Variants in DLC1 observed in about 807,000 individuals in gnomAD.
DLC1 encodes the protein DLC1 Rho GTPase activating protein.
Under a neutral mutation model 140.3 loss-of-function variants are expected in DLC1, and 54 were observed. The ratio of observed to expected loss-of-function variants is 0.38; its 90% CI spans 0.31 to 0.48. DLC1 has a LOEUF of 0.48. Ranked by LOEUF, DLC1 falls within the 20% of genes least tolerant of loss-of-function variation. The pLI is 0.96. For synonymous variants in DLC1, 986 were observed against 728.1 expected (o/e 1.35, Z -5.70); for missense variants, 2,536 against 1,907.0 (o/e 1.33, Z -6.14).
chr8:13,133,006 C>A, intron 5 of DLC1: 1 of 1,607,102 alleles, frequency 6.2e-7, no homozygotes, highest in Non-Finnish European at 8.5e-7. Context: ...GCGGCGGAAG[C>A]GCTGTGGGGA....
rs563177418 is a variant in DLC1 at position 13,180,999 on chromosome 8, T to C, written c.1349-65342A>G. Among the ~76,000 whole-genome samples, 16 of 152,268 alleles carry C rather than the reference T, an allele frequency of 1.1e-4. 1 individual carries two copies. The highest frequency in any genetic ancestry group is 1.9e-4 in the East Asian group (1 of 5,180). ...TTCCTTTTTTTTTCTGTTGAAGATA[T>C]CTATTTTGAAATTTATCAGCAAAAA... On this transcript the variant is annotated intron_variant, in intron 5 of 17. Transcript: ENST00000276297.
chr8:13,596,499 C>G (rs530788611), intron 1 of DLC1, among the ~76,000 whole-genome samples: 1 of 151,986 alleles, frequency 6.6e-6, no homozygotes, highest in South Asian at 2.1e-4. Flanking sequence ...TTAAAGGTAA[C>G]TGATGATTTC....
intron 5 of DLC1, among the ~76,000 whole-genome samples, chr8:13,214,033 T>C (rs1183614443): frequency 6.6e-6 from 1 of 152,140 alleles, no homozygotes; most frequent in Non-Finnish European, 1.5e-5. Context: ...ATCCGTCCAC[T>C]TCAGCCTCCC....
rs371819237 is a variant in DLC1 at position 13,475,578 on chromosome 8, A to G, written c.1023+23471T>C. 1.2e-4 allele frequency among the ~76,000 whole-genome samples: 19 copies of G among 152,382 alleles called. No homozygotes were observed. The East Asian group carries it at 1.7e-3, about 14-fold the overall frequency. On this transcript the variant is annotated intron_variant, in intron 2 of 17. Transcript: ENST00000276297. Reference sequence around the variant, plus strand: ...AGCGACCATAGAAAATATAGATTATAAACAGTAGTAGTTTCACAACGAAAA... The same window carrying G: ...AGCGACCATAGAAAATATAGATTATGAACAGTAGTAGTTTCACAACGAAAA...
At chr8:13,433,659 T>C (rs1838985275) in intron 2 of DLC1, among the ~76,000 whole-genome samples, 1 of 152,212 alleles carries the variant, frequency 6.6e-6, no homozygotes, top group African/African-American at 2.4e-5. Flanking sequence ...TAGGCTGATA[T>C]CTTTAATTAT....
chr8:13,532,178 G>T (rs1021777655), intron 1 of DLC1, among the ~76,000 whole-genome samples: 10 of 152,168 alleles, frequency 6.6e-5, no homozygotes, highest in African/African-American at 2.4e-4. Context: ...CCTTAGGCAG[G>T]GGGATAGCTT....
intron 5 of DLC1, among the ~76,000 whole-genome samples, chr8:13,245,680 T>A (rs905353046): frequency 6.6e-6 from 1 of 152,012 alleles, no homozygotes; most frequent in Non-Finnish European, 1.5e-5. Flanking sequence ...CTTTTAAAAT[T>A]TTTTTATTAT....
intron 5 of DLC1, among the ~76,000 whole-genome samples, chr8:13,271,626 C>A (rs868069098): frequency 1.8e-4 from 28 of 152,198 alleles, no homozygotes; most frequent in African/African-American, 6.3e-4. Context: ...CCTAAATTTT[C>A]TTGCCCTCTT....
chr8:13,523,867 A>T (rs1456667382), intron 1 of DLC1, among the ~76,000 whole-genome samples: 15 of 151,294 alleles, frequency 9.9e-5, no homozygotes, highest in African/African-American at 2.4e-4. Flanking sequence ...TTTTTTTTTT[A>T]AATTAATATG....
At chr8:13,534,743 T>C (rs1471935507) in intron 1 of DLC1, among the ~76,000 whole-genome samples, 3 of 152,216 alleles carry the variant, frequency 2.0e-5, no homozygotes, top group Non-Finnish European at 4.4e-5. Flanking sequence ...TCTGAGTAGC[T>C]GAATCCACAG....
intron 16 of DLC1, among the ~76,000 whole-genome samples, chr8:13,088,006 G>C (rs1250255939): frequency 6.6e-6 from 1 of 152,180 alleles, no homozygotes; most frequent in Non-Finnish European, 1.5e-5. Context: ...TTCTCAGCGA[G>C]GAACACACTG....
chr8:13,236,344 G>A lies in DLC1; in HGVS notation c.1348+68925C>T, dbSNP rs79344106. Among the ~76,000 whole-genome samples the A allele has an allele frequency of 1.4e-4, 21 of 152,022 alleles. No homozygotes were observed. In the East Asian group the frequency reaches 3.1e-3, roughly 22 times the overall value. On this transcript the variant is annotated intron_variant, in intron 5 of 17. Coordinates refer to ENST00000276297, the MANE Select transcript of DLC1 (RefSeq NM_182643.3). ...TCTTAGTTCAAGTTGATTATCTGAC[G>A]TCAGTGAATAGCGCTATTGTACTTT...
intron 4 of DLC1, among the ~76,000 whole-genome samples, chr8:13,315,939 T>G (rs1211896272): frequency 6.6e-6 from 1 of 152,214 alleles, no homozygotes; most frequent in Non-Finnish European, 1.5e-5. Context: ...TAGTATTATA[T>G]GAGATGCATG....
chr8:13,214,711 T>G (rs1044836960), intron 5 of DLC1: 9 of 780,724 alleles, frequency 1.2e-5, no homozygotes, highest in Admixed American at 6.8e-5. Flanking sequence ...CACTTCCGAG[T>G]TGGAAAAATT....
At chr8:13,515,821 T>C (rs1802568592), upstream of DLC1, among the ~76,000 whole-genome samples, 1 of 152,194 alleles carries the variant, frequency 6.6e-6, no homozygotes, top group Non-Finnish European at 1.5e-5. Flanking sequence ...CTTTAATTAG[T>C]GCATCAATTA....
intron 5 of DLC1, among the ~76,000 whole-genome samples, chr8:13,144,801 CATCT>C (rs1823296445): frequency 6.6e-6 from 1 of 152,090 alleles, no homozygotes; most frequent in South Asian, 2.1e-4. Flanking sequence ...CTCTCTCATC[CATCT>C]ATCTATTTAT....
intron 5 of DLC1, among the ~76,000 whole-genome samples, chr8:13,183,829 A>G (rs1355382566): frequency 6.6e-6 from 1 of 152,200 alleles, no homozygotes; most frequent in Non-Finnish European, 1.5e-5. Flanking sequence ...TGCTGGCCTC[A>G]TAAAATGAGT....
intron 1 of DLC1, among the ~76,000 whole-genome samples, chr8:13,582,845 C>A (rs1177033171): frequency 8.1e-6 from 1 of 123,522 alleles, no homozygotes. Flanking sequence ...CTTCCCAGTG[C>A]ATATAAAAGT....
intron 5 of DLC1, among the ~76,000 whole-genome samples, chr8:13,148,048 C>T (rs957574955): frequency 1.3e-5 from 2 of 152,002 alleles, no homozygotes; most frequent in Admixed American, 6.6e-5. Flanking sequence ...TTGTTGTATT[C>T]TTCCTCTCTA....
Sources: allele counts gnomAD v4.1 joint callset (sites outside exome capture counted in the v4.1 genomes callset), GRCh38; gene constraint gnomAD v4.1.1; transcripts MANE v1.5; gene names NCBI Gene and HGNC (gene_info 2026-07-23, HGNC 2026-07-21).